The following PDZD2 variants were observed in gnomAD, a reference collection of about 807,000 sequenced individuals.
The protein encoded by PDZD2 is PDZ domain-containing protein 2.
Under a neutral mutation model 220.7 loss-of-function variants are expected in PDZD2, and 90 were observed. The ratio of observed to expected loss-of-function variants is 0.41; its 90% CI spans 0.34 to 0.49. PDZD2 has a LOEUF of 0.49. Ranked by LOEUF, PDZD2 falls within the 20% of genes least tolerant of loss-of-function variation. The pLI is 0.28. For missense variants in PDZD2, 3,174 were observed against 3,608.5 expected, an observed-to-expected ratio of 0.88 and a Z score of 3.08; for synonymous variants, 1,375 against 1,450.5, an observed-to-expected ratio of 0.95 and a Z score of 1.18.
At chr5:31,887,266 C>G (rs911152121) in intron 2 of PDZD2, among the ~76,000 whole-genome samples, 6 of 152,114 alleles carry the variant, frequency 3.9e-5, no homozygotes, top group Non-Finnish European at 8.8e-5. Context: ...CATACACACA[C>G]AAAATCGATA....
rs181440111 is a variant in PDZD2 at position 31,662,785 on chromosome 5, A to G, written c.-361+23348A>G. Among the ~76,000 whole-genome samples the G allele has an allele frequency of 4.0e-3, 612 of 152,154 alleles. 24 individuals carry two copies. The East Asian group carries it at 0.092, about 23-fold the overall frequency. On this transcript the variant is annotated intron_variant, in intron 1 of 24. Transcript: ENST00000438447. ...GCTGGGACTACAGGCGCCCACCACCACGCCCAGCTAATTTTTTTGCATTTT... is the reference window on the plus strand; with the variant it reads ...GCTGGGACTACAGGCGCCCACCACCGCGCCCAGCTAATTTTTTTGCATTTT...
Position 32,090,072 on chromosome 5 carries a change from G to A in PDZD2, c.6624G>A (p.Gly2208=). 6.2e-7 allele frequency: 1 copy of A among 1,613,684 alleles called. No individual in the cohort carries two copies. Among genetic ancestry groups the A allele is most frequent in the Non-Finnish European group, 8.5e-7 (1 of 1,179,952 alleles). Residue 2208 remains glycine (G), a synonymous_variant, in exon 20 of 25, where the codon GGG becomes GGA. Coordinates refer to ENST00000438447, the MANE Select transcript of PDZD2 (RefSeq NM_178140.4). This position sits in a 1 kb window ranked among gnomAD's most constrained non-coding sequence, Gnocchi z 4.3. The part of the protein sequence containing the change: ...PRNSIPGGPS[G]EDHLYFTPRP... ...ACAGCATTCCAGGGGGCCCCTCGGG[G>A]GAGGACCATCTCTACTTCACCCCAA...
intron 2 of PDZD2, among the ~76,000 whole-genome samples, chr5:31,978,029 C>T (rs532334320): frequency 1.3e-5 from 2 of 152,218 alleles, no homozygotes; most frequent in African/African-American, 2.4e-5. Context: ...AACTCAGAAC[C>T]GCATTTCTGG....
At chr5:31,655,007 C>T (rs1745490866) in intron 1 of PDZD2, among the ~76,000 whole-genome samples, 1 of 152,128 alleles carries the variant, frequency 6.6e-6, no homozygotes, top group Non-Finnish European at 1.5e-5. Context: ...ATTCCCTCTG[C>T]CTGGAATGCT....
intron 2 of PDZD2, among the ~76,000 whole-genome samples, chr5:31,919,316 A>G (rs1454494575): frequency 6.6e-6 from 1 of 152,014 alleles, no homozygotes; most frequent in African/African-American, 2.4e-5. Flanking sequence ...AGGAATGCTA[A>G]GTTTAGCCCC....
At chr5:31,955,975 G>T (rs1747637406) in intron 2 of PDZD2, among the ~76,000 whole-genome samples, 1 of 152,066 alleles carries the variant, frequency 6.6e-6, no homozygotes, top group Non-Finnish European at 1.5e-5. Context: ...ATACCATTGT[G>T]GTTGGAAGAG....
chr5:31,745,407 CA>C (rs1247417401), intron 1 of PDZD2, among the ~76,000 whole-genome samples: 7 of 152,164 alleles, frequency 4.6e-5, no homozygotes, highest in African/African-American at 1.7e-4. Context: ...GTCTGATACA[CA>C]GTAGGTGCTC....
At chr5:31,939,997 G>T (rs1453516144) in intron 2 of PDZD2, among the ~76,000 whole-genome samples, 1 of 152,214 alleles carries the variant, frequency 6.6e-6, no homozygotes, top group Non-Finnish European at 1.5e-5. Flanking sequence ...GTGGCTCAGT[G>T]GCCAGCAGAG....
chr5:31,849,930 ATACAC>A (rs1757860069), intron 2 of PDZD2, among the ~76,000 whole-genome samples: 1 of 21,424 alleles, frequency 4.7e-5, no homozygotes, highest in African/African-American at 2.6e-4. Context: ...ATATATATAT[ATACAC>A]ATATATATAT....
At chr5:31,787,786 C>T (rs1753464051) in intron 1 of PDZD2, 1 of 152,190 alleles carries the variant, frequency 6.6e-6, no homozygotes, top group South Asian at 2.1e-4. Flanking sequence ...ACACCTCTCT[C>T]ATCCCCTAAA....
intron 2 of PDZD2, among the ~76,000 whole-genome samples, chr5:31,838,070 T>C (rs1025425247): frequency 6.6e-6 from 1 of 152,188 alleles, no homozygotes; most frequent in African/African-American, 2.4e-5. Context: ...AATTATATCC[T>C]GTGTTTATAC....
intron 3 of PDZD2, among the ~76,000 whole-genome samples, chr5:31,993,262 G>A (rs1751370769): frequency 6.6e-6 from 1 of 152,222 alleles, no homozygotes; most frequent in Non-Finnish European, 1.5e-5. Context: ...TGGTAAGCCA[G>A]TGACTTCTGA....
intron 1 of PDZD2, among the ~76,000 whole-genome samples, chr5:31,712,828 G>A (rs1002763049): frequency 7.9e-5 from 12 of 152,178 alleles, no homozygotes; most frequent in African/African-American, 2.4e-4. Flanking sequence ...CTGGGGTCGC[G>A]TTAAGGGCAA....
Position 31,957,850 on chromosome 5 carries a change from G to C in PDZD2, c.477-25305G>C, listed in dbSNP as rs943192686. ...ATTTATACAGGAGCAATCTCTTGTT[G>C]TTCTGTCCAATGTAACTGCTGTTTG... On this transcript the variant is annotated intron_variant, in intron 2 of 24. Transcript: ENST00000438447. Among the ~76,000 whole-genome samples, 37 of 152,118 alleles carry C rather than the reference G, an allele frequency of 2.4e-4. 1 individual carries two copies. Among genetic ancestry groups the C allele is most frequent in the African/African-American group, 7.7e-4 (32 of 41,412 alleles).
intron 1 of PDZD2, among the ~76,000 whole-genome samples, chr5:31,676,688 G>A (rs1225483394): frequency 6.6e-6 from 1 of 151,210 alleles, no homozygotes; most frequent in Non-Finnish European, 1.5e-5. Flanking sequence ...CCGAGTAGCT[G>A]GGATTACAGG....
chr5:31,851,885 C>G (rs1219279970), intron 2 of PDZD2, among the ~76,000 whole-genome samples: 3 of 151,876 alleles, frequency 2.0e-5, no homozygotes, highest in Admixed American at 6.6e-5. Flanking sequence ...GAGATAGAGT[C>G]TTGCTCTCTT....
At chr5:31,779,961 T>C (rs1456187596) in intron 1 of PDZD2, among the ~76,000 whole-genome samples, 1 of 152,202 alleles carries the variant, frequency 6.6e-6, no homozygotes, top group Non-Finnish European at 1.5e-5. Context: ...GCTTTAGTTG[T>C]GTCTTCGCTA....
chr5:32,004,112 G>GC (rs991907879), intron 5 of PDZD2, among the ~76,000 whole-genome samples: 7 of 151,918 alleles, frequency 4.6e-5, no homozygotes, highest in Non-Finnish European at 7.4e-5. Flanking sequence ...AAGGTGGGGG[G>GC]GCCACTTATG....
chr5:32,072,176 G>C lies in PDZD2; in HGVS notation c.2584G>C (p.Glu862Gln). The C allele has an allele frequency of 6.2e-7, 1 of 1,610,324 alleles. No individual in the cohort carries two copies. ...TCTTCAACAGGACTCCCTTATTTCT[G>C]AATCTGAACTCTCCCAGTACTTTGC... Reference protein sequence around the residue: ...SLAKKDSLISESELSQYFAHD... With the variant: ...SLAKKDSLISQSELSQYFAHD... The change falls in exon 17 of 25, where the codon GAA (glutamate) becomes CAA (glutamine). Residue 862 changes from glutamate (E) to glutamine (Q), a missense_variant. Coordinates refer to ENST00000438447, the MANE Select transcript of PDZD2 (RefSeq NM_178140.4).
Sources: gnomAD v4.1 joint callset for allele counts (sites outside exome capture counted in the v4.1 genomes callset) on GRCh38, gnomAD v4.1.1 for gene constraint, Gnocchi (gnomAD v3.1) non-coding constraint, MANE v1.5 for transcripts, NCBI Gene and HGNC (gene_info 2026-07-23, HGNC 2026-07-21) for gene names.